MKLN1: variants seen among roughly 807,000 people sequenced by gnomAD.
The protein encoded by MKLN1 is muskelin 1.
Under a neutral mutation model 99.0 loss-of-function variants are expected in MKLN1, and 18 were observed. The ratio of observed to expected loss-of-function variants is 0.18; its 90% CI spans 0.13 to 0.27. MKLN1 has a LOEUF of 0.27. Among genes scored for constraint, MKLN1 ranks in the 10% least tolerant of loss-of-function variants. The probability of loss-of-function intolerance (pLI) is 1.00; values close to 1 mark genes in which losing one functional copy is unlikely to be tolerated. For missense variants in MKLN1, 621 were observed against 875.9 expected (o/e 0.71, Z 3.67); for synonymous variants, 288 against 293.2 (o/e 0.98, Z 0.18).
intron 3 of MKLN1, among the ~76,000 whole-genome samples, chr7:131,275,722 C>T (rs770683328): frequency 6.6e-6 from 1 of 150,964 alleles, no homozygotes; most frequent in Admixed American, 6.6e-5. Context: ...TGAGCCACTG[C>T]GCCCTGCCCA....
At chr7:131,130,659 T>G (rs928893072) in intron 1 of MKLN1, among the ~76,000 whole-genome samples, 6 of 152,260 alleles carry the variant, frequency 3.9e-5, no homozygotes, top group Non-Finnish European at 5.9e-5. Context: ...AATAATATAA[T>G]GGACCATGGA....
In MKLN1 at chr7:131,434,023, A is replaced by G. The variant is rs538907715; in HGVS notation, c.961-3762A>G. Among the ~76,000 whole-genome samples the G allele has an allele frequency of 6.6e-5, 10 of 151,776 alleles. No homozygotes were observed. In the East Asian group the frequency reaches 1.9e-3, roughly 29 times the overall value. On this transcript the variant is annotated intron_variant, in intron 9 of 17. Coordinates refer to ENST00000352689, the MANE Select transcript of MKLN1 (RefSeq NM_013255.5). ...CTCAGCCTCCCGAGTAGCTGAGACT[A>G]CACCGAGTAGCTGAGACCCACCTGG...
chr7:131,358,853 A>G, intron 1 of MKLN1, among the ~76,000 whole-genome samples: 1 of 152,110 alleles, frequency 6.6e-6, no homozygotes, highest in East Asian at 1.9e-4. Flanking sequence ...CAAGTGATCA[A>G]TAGTGATCAC....
rs374528440 is a variant in MKLN1 at position 131,305,383 on chromosome 7, G to A, written c.-178-70041G>A. On this transcript the variant is annotated intron_variant, in intron 3 of 7. Transcript: ENST00000416992. ...TTGACAATTTGAACAGTACTATAGA[G>A]TTTACTTAGTTCCCATATAGCAACT... Among the ~76,000 whole-genome samples, 3 of 152,296 alleles carry A rather than the reference G, an allele frequency of 2.0e-5. No homozygotes were observed. In the East Asian group the frequency reaches 5.8e-4, roughly 29 times the overall value.
chr7:131,146,467 T>C (rs1462613948), intron 2 of MKLN1, among the ~76,000 whole-genome samples: 1 of 152,208 alleles, frequency 6.6e-6, no homozygotes, highest in African/African-American at 2.4e-5. Context: ...TCTCAAAGGG[T>C]GGATGATTCT....
intron 1 of MKLN1, among the ~76,000 whole-genome samples, chr7:131,339,929 A>G (rs1427917708): frequency 6.6e-6 from 1 of 151,968 alleles, no homozygotes; most frequent in South Asian, 2.1e-4. Context: ...AGTATGACTA[A>G]TATTTATTAT....
Position 131,487,540 on chromosome 7 carries a change from G to A in MKLN1, c.2087-67G>A. The A allele has an allele frequency of 1.3e-6, 2 of 1,532,412 alleles. No individual in the cohort carries two copies. Among genetic ancestry groups the A allele is most frequent in the Middle Eastern group, 1.7e-4 (1 of 5,788 alleles). 94.9% of individuals were successfully genotyped at this position (1,532,412 alleles called of 1,614,324 possible). The stretch of plus-strand genomic sequence containing the variant: ...TCCATTATAAAATACATTGCTGCTG[G>A]TCTCAACTAGTTTTTCTGTTACATG... On this transcript the variant is annotated intron_variant, in intron 17 of 17. Coordinates refer to ENST00000352689, the MANE Select transcript of MKLN1 (RefSeq NM_013255.5). This position sits in a 1 kb window ranked among gnomAD's most constrained non-coding sequence, Gnocchi z 4.7.
At chr7:131,212,303 G>A (rs946002207) in intron 3 of MKLN1, among the ~76,000 whole-genome samples, 1 of 152,188 alleles carries the variant, frequency 6.6e-6, no homozygotes. Flanking sequence ...AGAGGGATAG[G>A]ACCATGGACA....
chr7:131,302,582 A>T (rs1798392026), intron 3 of MKLN1, among the ~76,000 whole-genome samples: 1 of 152,172 alleles, frequency 6.6e-6, no homozygotes, highest in African/African-American at 2.4e-5. Flanking sequence ...TAATTTGCAA[A>T]GCAACCCCCA....
chr7:131,274,979 C>A (rs1797938928), intron 3 of MKLN1, among the ~76,000 whole-genome samples: 1 of 152,154 alleles, frequency 6.6e-6, no homozygotes, highest in African/African-American at 2.4e-5. Flanking sequence ...CTGTTACCCA[C>A]TTTCCATCTC....
At chr7:131,241,269 T>C (rs1797397179) in intron 3 of MKLN1, among the ~76,000 whole-genome samples, 1 of 150,728 alleles carries the variant, frequency 6.6e-6, no homozygotes, top group South Asian at 2.1e-4. Flanking sequence ...TACCAGCTAG[T>C]TGGGAGGCTG....
intron 3 of MKLN1, among the ~76,000 whole-genome samples, chr7:131,314,920 C>T (rs1798637161): frequency 3.3e-5 from 5 of 152,168 alleles, no homozygotes; most frequent in Admixed American, 2.0e-4. Context: ...TACAGGCACA[C>T]ACCACCATGC....
rs1306052237 is a variant in MKLN1 at position 131,248,920 on chromosome 7, A to G, written c.-179+45946A>G. ...CCATATACATTCAAGTCTTCCTTTGATTTACTTACTTATCTATGAACACTG... is the reference window on the plus strand; with the variant it reads ...CCATATACATTCAAGTCTTCCTTTGGTTTACTTACTTATCTATGAACACTG... On this transcript the variant is annotated intron_variant, in intron 3 of 7. Transcript: ENST00000416992. Among the ~76,000 whole-genome samples, 2 of 152,100 alleles carry G rather than the reference A, an allele frequency of 1.3e-5. 1 individual carries two copies. The highest frequency in any genetic ancestry group is 4.1e-4 in the South Asian group (2 of 4,832).
At chr7:131,483,567 C>CT (rs1465362725) in intron 17 of MKLN1, among the ~76,000 whole-genome samples, 2 of 152,226 alleles carry the variant, frequency 1.3e-5, no homozygotes, top group Admixed American at 1.3e-4. Flanking sequence ...CAACATCACT[C>CT]TAACTCATAC....
intron 15 of MKLN1, among the ~76,000 whole-genome samples, chr7:131,467,420 G>C (rs758072808): frequency 2.6e-5 from 4 of 152,300 alleles, no homozygotes; most frequent in South Asian, 4.1e-4. Context: ...GTACAGGTGA[G>C]GGGGGTGGGA....
At chr7:131,441,974 C>T (rs1374747524) in intron 10 of MKLN1, among the ~76,000 whole-genome samples, 1 of 152,194 alleles carries the variant, frequency 6.6e-6, no homozygotes, top group East Asian at 1.9e-4. Context: ...GAGCCCTCAA[C>T]GGAGGCAGTG....
chr7:131,157,867 G>C lies in MKLN1; in HGVS notation c.-297+14926G>C, dbSNP rs930990908. Among the ~76,000 whole-genome samples the C allele has an allele frequency of 7.2e-5, 11 of 152,306 alleles. No individual in the cohort carries two copies. In the South Asian group the frequency reaches 2.3e-3, roughly 32 times the overall value. On this transcript the variant is annotated intron_variant, in intron 2 of 7. Coordinates refer to the MKLN1 transcript ENST00000416992. ...ACATTTACAAAACAGTTCATTTGGA[G>C]TCTAGTCTCGTATTTGGCATCTGTA...
rs117752157 is a variant in MKLN1 at position 131,166,483 on chromosome 7, G to A, written c.-297+23542G>A. Among the ~76,000 whole-genome samples, 1,202 of 152,144 alleles carry A rather than the reference G, an allele frequency of 7.9e-3. 73 individuals are homozygous for A. The East Asian group carries it at 0.13, about 16-fold the overall frequency. Reference sequence around the variant, plus strand: ...TGATAAAGCCTTCAATGGCCTGGCTGCCCACATTGCCTCTGAGCTCATCTC... The same window carrying A: ...TGATAAAGCCTTCAATGGCCTGGCTACCCACATTGCCTCTGAGCTCATCTC... On this transcript the variant is annotated intron_variant, in intron 2 of 7. Coordinates refer to the MKLN1 transcript ENST00000416992.
chr7:131,120,045 C>A (rs1032878375), intron 1 of MKLN1, among the ~76,000 whole-genome samples: 2 of 151,664 alleles, frequency 1.3e-5, no homozygotes, highest in African/African-American at 4.9e-5. Context: ...TTGGCAGGCG[C>A]CTGTAGTCCC....
Sources: allele counts gnomAD v4.1 joint callset (sites outside exome capture counted in the v4.1 genomes callset), GRCh38; gene constraint gnomAD v4.1.1; non-coding constraint Gnocchi (gnomAD v3.1); transcripts MANE v1.5; gene names NCBI Gene and HGNC (gene_info 2026-07-23, HGNC 2026-07-21).